SAP130: variants seen among roughly 807,000 people sequenced by gnomAD.
SAP130 encodes histone deacetylase complex subunit SAP130.
SAP130 carries 16 observed loss-of-function variants against 103.2 expected under a neutral mutation model. That is an observed-to-expected ratio of 0.16 (90% CI 0.10 to 0.24). The LOEUF (loss-of-function observed/expected upper bound fraction) is 0.24, where lower values mean the gene tolerates loss of function less well. Among genes scored for constraint, SAP130 ranks in the 10% least tolerant of loss-of-function variants. The pLI is 1.00. For synonymous variants in SAP130, 477 were observed against 497.0 expected, an observed-to-expected ratio of 0.96 and a Z score of 0.53; for missense variants, 990 against 1,359.7, an observed-to-expected ratio of 0.73 and a Z score of 4.28.
At chr2:128,027,390 T>G (rs924997851) in intron 1 of SAP130, 46 of 1,137,026 alleles carry the variant, frequency 4.0e-5, no homozygotes, top group Non-Finnish European at 4.5e-5. Context: ...GACCTGCACG[T>G]TCAGAGCCCG....
intron 7 of SAP130, among the ~76,000 whole-genome samples, chr2:128,002,910 T>C (rs1259455278): frequency 6.6e-6 from 1 of 151,968 alleles, no homozygotes; most frequent in African/African-American, 2.4e-5. Flanking sequence ...GCAGATTGCT[T>C]GAGTCCAGGA....
intron 11 of SAP130, among the ~76,000 whole-genome samples, chr2:127,995,326 T>C (rs1559079352): frequency 6.6e-6 from 1 of 152,178 alleles, no homozygotes; most frequent in Non-Finnish European, 1.5e-5. Context: ...TATCTCGTCA[T>C]TGGAAAATAA....
At chr2:127,987,398 C>T (rs1682479539) in intron 13 of SAP130, among the ~76,000 whole-genome samples, 1 of 152,018 alleles carries the variant, frequency 6.6e-6, no homozygotes, top group Non-Finnish European at 1.5e-5. Flanking sequence ...GTTGGCCAGG[C>T]TAGTCTCGAA....
intron 7 of SAP130, among the ~76,000 whole-genome samples, chr2:128,009,332 A>G (rs1022166445): frequency 3.3e-5 from 5 of 152,138 alleles, no homozygotes; most frequent in Non-Finnish European, 7.4e-5. Context: ...TTAGTTAGGC[A>G]TGGTGGTGCA....
At chr2:127,980,959 GA>G (rs1304780924) in intron 14 of SAP130, among the ~76,000 whole-genome samples, 1 of 151,974 alleles carries the variant, frequency 6.6e-6, no homozygotes, top group African/African-American at 2.4e-5. Flanking sequence ...ACCGAGTGAT[GA>G]AAGTCAGACT....
chr2:127,981,974 G>T (rs1205665755), intron 14 of SAP130, among the ~76,000 whole-genome samples: 3 of 152,174 alleles, frequency 2.0e-5, no homozygotes, highest in Middle Eastern at 3.2e-3. Flanking sequence ...CTGACTTTGG[G>T]TCTCCTCATC....
At chr2:128,002,090 C>T (rs1049059295) in intron 7 of SAP130, among the ~76,000 whole-genome samples, 1 of 152,098 alleles carries the variant, frequency 6.6e-6, no homozygotes, top group Non-Finnish European at 1.5e-5. Context: ...CAATGCCTGG[C>T]TAATTTTTGT....
chr2:127,977,184 G>C (rs139278022), intron 15 of SAP130, among the ~76,000 whole-genome samples: 8 of 152,066 alleles, frequency 5.3e-5, no homozygotes, highest in Admixed American at 3.9e-4. Context: ...GAATTAAGAA[G>C]AGAAAGAACA....
chr2:127,968,339 G>C (rs1680815748), intron 15 of SAP130, among the ~76,000 whole-genome samples: 1 of 151,472 alleles, frequency 6.6e-6, no homozygotes, highest in Admixed American at 6.6e-5. Context: ...TTGAACTCCT[G>C]GCCTTAGGTG....
chr2:128,016,260 C>T, intron 4 of SAP130, 129 bp downstream of exon 4: 3 of 924,582 alleles, frequency 3.2e-6, no homozygotes, highest in Non-Finnish European at 3.3e-6. Context: ...ACTATCTTCA[C>T]TTGCAGGTAT....
In SAP130 at chr2:127,945,259, G is replaced by C. The variant is rs542381626; in HGVS notation, c.2901+197C>G. Among the ~76,000 whole-genome samples the C allele has an allele frequency of 3.3e-5, 5 of 152,308 alleles. No homozygotes were observed. The South Asian group carries it at 8.3e-4, about 25-fold the overall frequency. ...CCATATATTTTGGATCTGGATACCA[G>C]AACTTAGATATATTTCAATTTTAAT... On this transcript the variant is annotated intron_variant, in intron 19 of 20. Transcript: ENST00000643581.
rs1182592118 is a variant in SAP130 at position 128,028,027 on chromosome 2, G to A, written c.-94C>T. On this transcript the variant is annotated 5_prime_UTR_variant, in exon 1 of 21. Transcript: ENST00000643581. ...GTGGGGCCGACGTCCCCAGGCTCCGGACCCGCAGCCACCGCCGGGGAGCTA... is the reference window on the plus strand; with the variant it reads ...GTGGGGCCGACGTCCCCAGGCTCCGAACCCGCAGCCACCGCCGGGGAGCTA... The A allele has an allele frequency of 2.7e-5, 26 of 974,722 alleles. No individual in the cohort carries two copies. In the Admixed American group the frequency reaches 1.5e-3, roughly 58 times the overall value. The allele number at this position is 974,722 out of a possible 1,614,324, so 60.4% of individuals were successfully genotyped here. A position where few individuals can be genotyped will look rare whatever the true frequency, so the allele number is the denominator to read the frequency against.
chr2:127,948,441 G>A lies in SAP130; in HGVS notation c.2797+1428C>T, dbSNP rs184113259. Among the ~76,000 whole-genome samples, 362 of 148,234 alleles carry A rather than the reference G, an allele frequency of 2.4e-3. 3 individuals are homozygous for A. Among genetic ancestry groups the A allele is most frequent in the African/African-American group, 8.6e-3 (348 of 40,356 alleles). ...TGCAACCTTTGCCTCCCGGGTTCAA[G>A]AGATTCTCCTGCCTCAGCCTCCTGA... On this transcript the variant is annotated intron_variant, in intron 18 of 20. Transcript: ENST00000643581.
intron 7 of SAP130, among the ~76,000 whole-genome samples, chr2:128,003,747 T>G (rs776656300): frequency 1.3e-5 from 2 of 151,866 alleles, no homozygotes; most frequent in Non-Finnish European, 2.9e-5. Flanking sequence ...ATATTACAGG[T>G]TGAGTATACC....
chr2:128,020,905 A>G (rs1273157536), intron 2 of SAP130, among the ~76,000 whole-genome samples: 1 of 152,098 alleles, frequency 6.6e-6, no homozygotes, highest in Non-Finnish European at 1.5e-5. Context: ...CTGAGGCGGA[A>G]GAATCACTTG....
Position 127,989,507 on chromosome 2 carries a change from A to T in SAP130, c.1780+57T>A. ...AAAGCCAGTGGCAGAGAAAGGATTT[A>T]AACCCAAATGTATTTCTTTTCTCCA... On this transcript the variant is annotated intron_variant, in intron 13 of 20. Transcript: ENST00000643581. This position sits in a 1 kb window ranked among gnomAD's most constrained non-coding sequence, Gnocchi z 4.6. The T allele has an allele frequency of 6.7e-7, 1 of 1,483,682 alleles. No homozygotes were observed. The highest frequency in any genetic ancestry group is 9.2e-7 in the Non-Finnish European group (1 of 1,092,432). The allele number at this position is 1,483,682 out of a possible 1,614,324, so 91.9% of individuals were successfully genotyped here.
At chr2:128,004,404 C>T (rs1042687930) in intron 7 of SAP130, among the ~76,000 whole-genome samples, 1 of 121,066 alleles carries the variant, frequency 8.3e-6, no homozygotes, top group East Asian at 2.7e-4. Context: ...GATAGATTCT[C>T]ACTATGTTGC....
At chr2:127,982,686 T>G (rs546415204) in intron 14 of SAP130, among the ~76,000 whole-genome samples, 3 of 152,214 alleles carry the variant, frequency 2.0e-5, no homozygotes, top group East Asian at 3.8e-4. Context: ...CTGCTGCAAT[T>G]TGCTGTACAT....
intron 15 of SAP130, among the ~76,000 whole-genome samples, chr2:127,973,898 AC>A (rs1380591486): frequency 6.6e-6 from 1 of 151,860 alleles, no homozygotes; most frequent in Non-Finnish European, 1.5e-5. Flanking sequence ...ACATGGTGAA[AC>A]CCCGTTTCGA....
Sources: gnomAD v4.1 joint callset for allele counts (sites outside exome capture counted in the v4.1 genomes callset) on GRCh38, gnomAD v4.1.1 for gene constraint, Gnocchi (gnomAD v3.1) non-coding constraint, MANE v1.5 for transcripts, NCBI Gene and HGNC (gene_info 2026-07-23, HGNC 2026-07-21) for gene names.